Variants in AGBL1 observed in about 807,000 individuals in gnomAD.
AGBL1 encodes AGBL carboxypeptidase 1, also known as cytosolic carboxypeptidase 4.
In AGBL1, 130 loss-of-function variants were observed where a neutral mutation model predicts 118.9. The observed-to-expected ratio is 1.09, with a 90% CI of 0.95 to 1.26. The LOEUF (loss-of-function observed/expected upper bound fraction) is 1.26, where lower values mean the gene tolerates loss of function less well. Among genes scored for constraint, AGBL1 ranks in the 50% most tolerant of loss-of-function variants. The pLI, the probability that AGBL1 is intolerant of heterozygous loss-of-function variation, is 0.00. For missense variants in AGBL1, 1,584 were observed against 1,298.1 expected, an observed-to-expected ratio of 1.22 and a Z score of -3.38; for synonymous variants, 555 against 478.9, an observed-to-expected ratio of 1.16 and a Z score of -2.08.
intron 18 of AGBL1, among the ~76,000 whole-genome samples, chr15:86,455,890 A>G (rs190033464): frequency 1.3e-5 from 2 of 152,218 alleles, no homozygotes; most frequent in East Asian, 3.9e-4. Flanking sequence ...TCTCATAGCC[A>G]TTACCCTATA....
intron 21 of AGBL1, among the ~76,000 whole-genome samples, chr15:86,590,662 T>C (rs1250763942): frequency 6.6e-6 from 1 of 152,202 alleles, no homozygotes; most frequent in African/African-American, 2.4e-5. Flanking sequence ...CAATAGATAG[T>C]AAATGTTTCC....
chr15:86,433,924 A>G (rs552257749), intron 18 of AGBL1, among the ~76,000 whole-genome samples: 2 of 152,352 alleles, frequency 1.3e-5, no homozygotes, highest in Admixed American at 6.5e-5. Context: ...ATTTACAGAA[A>G]CAAAAGCTAT....
intron 22 of AGBL1, among the ~76,000 whole-genome samples, chr15:86,721,201 A>G (rs1196728643): frequency 7.9e-5 from 12 of 152,102 alleles, no homozygotes; most frequent in Admixed American, 1.3e-4. Context: ...AACAAAAAAA[A>G]AGAATTTTAG....
intron 4 of AGBL1, among the ~76,000 whole-genome samples, chr15:86,155,597 A>C (rs1238765257): frequency 6.6e-6 from 1 of 152,220 alleles, no homozygotes; most frequent in African/African-American, 2.4e-5. Context: ...TCTATCTGAT[A>C]TGTAATGAGC....
At position 86,226,931 on chromosome 15, in the gene AGBL1, G is replaced by C. The variant is rs548196288; in HGVS notation, c.526+1980G>C. ...CAGCAGACTGCAAGCTTTTGAGGGA[G>C]AGAGTCATCTGTATTGGTTGTTGTA... is the stretch of plus-strand genomic sequence containing the variant. On this transcript the variant is annotated intron_variant, in intron 6 of 22. Transcript: ENST00000614907. Among the ~76,000 whole-genome samples, 7 of 152,330 alleles carry C rather than the reference G, an allele frequency of 4.6e-5. No individual in the cohort carries two copies. In the East Asian group the frequency reaches 1.2e-3, roughly 25 times the overall value.
At chr15:86,714,627 A>G (rs1207966285) in intron 22 of AGBL1, among the ~76,000 whole-genome samples, 1 of 152,242 alleles carries the variant, frequency 6.6e-6, no homozygotes, top group Non-Finnish European at 1.5e-5. Context: ...ATAACCTTTC[A>G]GAGCAGGCAT....
intron 22 of AGBL1, among the ~76,000 whole-genome samples, chr15:86,762,642 A>G (rs1229015745): frequency 6.6e-6 from 1 of 152,038 alleles, no homozygotes; most frequent in Non-Finnish European, 1.5e-5. Context: ...GAGAAGGCAT[A>G]GGAAATGGGG....
intron 21 of AGBL1, among the ~76,000 whole-genome samples, chr15:86,650,121 CA>C (rs1162814581): frequency 2.6e-5 from 4 of 152,102 alleles, no homozygotes; most frequent in African/African-American, 9.7e-5. Context: ...GCACAGGGGG[CA>C]TTTAGTTTTG....
At chr15:86,851,387 T>A (rs547669266) in intron 22 of AGBL1, among the ~76,000 whole-genome samples, 1 of 152,158 alleles carries the variant, frequency 6.6e-6, no homozygotes, top group South Asian at 2.1e-4. Flanking sequence ...ACAGTTTTGA[T>A]GGGGGCAAAC....
At chr15:86,988,641 TAAA>T (rs888824068) in intron 24 of AGBL1, among the ~76,000 whole-genome samples, 2 of 152,228 alleles carry the variant, frequency 1.3e-5, no homozygotes, top group Non-Finnish European at 2.9e-5. Context: ...CAGATTTATC[TAAA>T]AGTTATTCAG....
At chr15:86,919,774 G>A (rs765844345), downstream of AGBL1, among the ~76,000 whole-genome samples, 1 of 152,208 alleles carries the variant, frequency 6.6e-6, no homozygotes, top group African/African-American at 2.4e-5. Flanking sequence ...TATAATTGGT[G>A]TTGTAATACC....
In AGBL1 at chr15:86,262,870, T is replaced by C; in HGVS notation, c.1062T>C (p.Cys354=). 1 of 1,608,240 alleles carries C rather than the reference T, an allele frequency of 6.2e-7. No homozygotes were observed. Among genetic ancestry groups the C allele is most frequent in the Non-Finnish European group, 8.5e-7 (1 of 1,177,194 alleles). ...AACTGATGCAATATGAGGTGATGTG[T>C]CTTGAGCTCTCCTATAGCTTTGAGG... is the stretch of plus-strand genomic sequence containing the variant. ...EEELMQYEVM[C]LELSYSFEEL... Residue 354 remains cysteine, a synonymous_variant, in exon 10 of 23, where the codon TGT becomes TGC. Coordinates refer to ENST00000614907, the MANE Select transcript of AGBL1 (RefSeq NM_001386094.1).
At chr15:86,219,757 G>C (rs1181613970) in intron 5 of AGBL1, among the ~76,000 whole-genome samples, 1 of 152,162 alleles carries the variant, frequency 6.6e-6, no homozygotes, top group East Asian at 1.9e-4. Flanking sequence ...GCTCTGTGAT[G>C]TATGAATCCT....
chr15:86,936,238 GTA>G (rs765513923), intron 23 of AGBL1, among the ~76,000 whole-genome samples: 1,638 of 141,176 alleles, frequency 0.012, 9 homozygotes, highest in Middle Eastern at 0.036. Flanking sequence ...CAGTGTGTAT[GTA>G]TGTGTGTGTG....
At chr15:86,655,276 A>G (rs1433253602) in intron 21 of AGBL1, among the ~76,000 whole-genome samples, 2 of 152,200 alleles carry the variant, frequency 1.3e-5, no homozygotes, top group Non-Finnish European at 2.9e-5. Flanking sequence ...TTGCCTTCCC[A>G]TTGTTCCCCA....
rs1036993156 is a variant in AGBL1 at position 86,908,339 on chromosome 15, T to A, written c.*1045T>A. On this transcript the variant is annotated 3_prime_UTR_variant, in exon 23 of 23. Coordinates refer to ENST00000614907, the MANE Select transcript of AGBL1 (RefSeq NM_001386094.1). ...CAACATGATGAAACCCTGTCTCTAC[T>A]AAACCCCATCTCTACAAAAATTAGC... 3.9e-5 allele frequency: 6 copies of A among 152,272 alleles called. No individual in the cohort carries two copies. Among genetic ancestry groups the A allele is most frequent in the African/African-American group, 1.4e-4 (6 of 41,570 alleles). 9.4% of individuals were successfully genotyped at this position (152,272 alleles called of 1,614,324 possible).
intron 20 of AGBL1, among the ~76,000 whole-genome samples, chr15:86,551,212 C>A (rs911267502): frequency 6.6e-6 from 1 of 151,686 alleles, no homozygotes; most frequent in African/African-American, 2.4e-5. Context: ...TAAGAAAGAA[C>A]AAAATAAAAG....
chr15:86,685,216 G>C (rs2086032344), intron 22 of AGBL1, among the ~76,000 whole-genome samples: 1 of 152,150 alleles, frequency 6.6e-6, no homozygotes, highest in Admixed American at 6.6e-5. Flanking sequence ...CACCTCAGGA[G>C]AAAGAAGTGA....
chr15:86,634,882 A>G (rs1036329900), intron 21 of AGBL1, among the ~76,000 whole-genome samples: 6 of 151,122 alleles, frequency 4.0e-5, no homozygotes, highest in African/African-American at 1.5e-4. Flanking sequence ...TTTAAATAGC[A>G]TAATCTCTAA....
Sources: gnomAD v4.1 joint callset for allele counts (sites outside exome capture counted in the v4.1 genomes callset) on GRCh38, gnomAD v4.1.1 for gene constraint, MANE v1.5 for transcripts, NCBI Gene and HGNC (gene_info 2026-07-23, HGNC 2026-07-21) for gene names.